USP25: variants seen among roughly 807,000 people sequenced by gnomAD.
The protein encoded by USP25 is ubiquitin specific peptidase 25, also known as ubiquitin carboxyl-terminal hydrolase 25.
A neutral mutation model predicts 158.5 loss-of-function variants in USP25; 85 were observed. The observed-to-expected ratio is 0.54, with a 90% CI of 0.45 to 0.64. The LOEUF is 0.64. Ranked by LOEUF, USP25 falls within the 30% of genes least tolerant of loss-of-function variation. The pLI, the probability that USP25 is intolerant of heterozygous loss-of-function variation, is 0.00. For synonymous variants in USP25, 464 were observed against 460.4 expected, an observed-to-expected ratio of 1.01 and a Z score of -0.10; for missense variants, 1,242 against 1,327.3, an observed-to-expected ratio of 0.94 and a Z score of 1.00.
intron 9 of USP25, among the ~76,000 whole-genome samples, chr21:15,812,262 T>TCA (rs1441137645): frequency 7.2e-5 from 11 of 152,158 alleles, no homozygotes; most frequent in African/African-American, 2.7e-4. Context: ...CGAGTAGGTC[T>TCA]CATCAGGTCA....
At chr21:15,789,560 T>C (rs957759410) in intron 4 of USP25, among the ~76,000 whole-genome samples, 1 of 152,088 alleles carries the variant, frequency 6.6e-6, no homozygotes, top group Admixed American at 6.6e-5. Flanking sequence ...AGTTTATATT[T>C]TAGAATATGC....
chr21:15,828,293 A>G (rs1420094792), intron 14 of USP25, among the ~76,000 whole-genome samples: 4 of 152,228 alleles, frequency 2.6e-5, no homozygotes, highest in African/African-American at 9.6e-5. Flanking sequence ...AATAGTGTTG[A>G]TGAAGCACTA....
rs548240596 is a variant in USP25 at position 15,845,913 on chromosome 21, A to G, written c.2338-1750A>G. On this transcript the variant is annotated intron_variant, in intron 18 of 25. Transcript: ENST00000400183. The stretch of plus-strand genomic sequence containing the variant: ...TATTAGGTTAAAATTATTCAAATAT[A>G]AACAATTTAAAGTAGCACAACAAAG... Among the ~76,000 whole-genome samples the G allele has an allele frequency of 3.4e-4, 51 of 151,846 alleles. No homozygotes were observed. The South Asian group carries it at 3.5e-3, about 11-fold the overall frequency.
chr21:15,865,960 A>G (rs936913810), intron 21 of USP25, among the ~76,000 whole-genome samples: 3 of 152,090 alleles, frequency 2.0e-5, no homozygotes, highest in Non-Finnish European at 2.9e-5. Flanking sequence ...TAATAGATGC[A>G]CATTATTTTT....
chr21:15,875,378 T>C lies in USP25; in HGVS notation c.3009+852T>C, dbSNP rs931120856. ...ACCCAGCCACATTTGGTTATTTGTT[T>C]TACATAGGAATTGAAATGAAACCTC... On this transcript the variant is annotated intron_variant, in intron 24 of 25. Coordinates refer to ENST00000400183, the MANE Select transcript of USP25 (RefSeq NM_001283041.3). The surrounding 1 kb of genome is among the most constrained non-coding windows in gnomAD (Gnocchi z 4.7). Among the ~76,000 whole-genome samples, 2 of 152,204 alleles carry C rather than the reference T, an allele frequency of 1.3e-5. No homozygotes were observed. The highest frequency in any genetic ancestry group is 4.8e-5 in the African/African-American group (2 of 41,456).
At chr21:15,831,741 A>G (rs188157504) in intron 16 of USP25, 112 bp downstream of exon 16, 464 of 894,530 alleles carry the variant, frequency 5.2e-4, no homozygotes, top group Non-Finnish European at 7.6e-4. Context: ...GTGGTTAGGA[A>G]ATGCTACTGG....
chr21:15,859,402 A>T (rs865895414), intron 20 of USP25, among the ~76,000 whole-genome samples: 2 of 152,044 alleles, frequency 1.3e-5, no homozygotes, highest in South Asian at 2.1e-4. Context: ...TCACCGTGTT[A>T]GCCAGGGTGG....
intron 20 of USP25, 108 bp downstream of exon 20, chr21:15,849,980 C>G: frequency 1.2e-6 from 1 of 861,344 alleles, no homozygotes. Flanking sequence ...TTTCTCTTTT[C>G]CTATCTTAGT....
At chr21:15,745,250 C>A (rs2032440884) in intron 1 of USP25, among the ~76,000 whole-genome samples, 1 of 151,922 alleles carries the variant, frequency 6.6e-6, no homozygotes, top group Admixed American at 6.6e-5. Context: ...AGATTATTTC[C>A]CAATTTCTTA....
intron 1 of USP25, among the ~76,000 whole-genome samples, chr21:15,741,192 C>G (rs1198825256): frequency 2.0e-5 from 3 of 151,778 alleles, no homozygotes; most frequent in Non-Finnish European, 2.9e-5. Context: ...GAGATTCACC[C>G]ATGTTTTATT....
rs145993051 is a variant in USP25, at chr21:15,879,432, T to C, written c.*957T>C. 246 of 152,624 alleles carry C rather than the reference T, an allele frequency of 1.6e-3. No homozygotes were observed. Among genetic ancestry groups the C allele is most frequent in the Non-Finnish European group, 7.5e-4 (51 of 67,930 alleles). The allele number at this position is 152,624 out of a possible 1,614,324, so 9.5% of individuals were successfully genotyped here. ...TTTGTAAATTGTATATCACTTTAAT[T>C]GAAAATGTTCTCTACTAATTAATAC... On this transcript the variant is annotated 3_prime_UTR_variant, in exon 26 of 26. Coordinates refer to ENST00000400183, the MANE Select transcript of USP25 (RefSeq NM_001283041.3).
chr21:15,821,438 A>C (rs766104441), intron 10 of USP25, among the ~76,000 whole-genome samples: 20 of 151,942 alleles, frequency 1.3e-4, no homozygotes, highest in Non-Finnish European at 2.2e-4. Context: ...TAGAAGTAGA[A>C]TCTTTGGGTC....
intron 18 of USP25, among the ~76,000 whole-genome samples, chr21:15,847,136 G>C (rs1384096955): frequency 6.6e-6 from 1 of 152,014 alleles, no homozygotes; most frequent in Non-Finnish European, 1.5e-5. Context: ...ACAATAGAAG[G>C]ATAAAATTAT....
At chr21:15,861,287 A>G (rs533876172) in intron 20 of USP25, among the ~76,000 whole-genome samples, 1 of 152,268 alleles carries the variant, frequency 6.6e-6, no homozygotes, top group South Asian at 2.1e-4. Context: ...TTGCAGGATG[A>G]TAGGAAATAA....
intron 17 of USP25, among the ~76,000 whole-genome samples, chr21:15,837,642 T>C (rs1006026622): frequency 3.9e-5 from 6 of 152,212 alleles, no homozygotes; most frequent in Admixed American, 6.5e-5. Flanking sequence ...ATTTTACTTA[T>C]ATTACTCTTG....
intron 8 of USP25, among the ~76,000 whole-genome samples, chr21:15,809,306 G>C (rs1298480559): frequency 1.3e-5 from 2 of 152,138 alleles, no homozygotes; most frequent in Admixed American, 6.6e-5. Context: ...CTGGGATCTT[G>C]CTGGCAGTGA....
At chr21:15,846,122 G>A (rs1186547741) in intron 18 of USP25, among the ~76,000 whole-genome samples, 28 of 55,708 alleles carry the variant, frequency 5.0e-4, no homozygotes, top group Non-Finnish European at 7.3e-4. Context: ...GTGTGTGTGT[G>A]TATATATATA....
chr21:15,741,288 CTTTTT>C (rs35427982), intron 1 of USP25, among the ~76,000 whole-genome samples: 4 of 139,772 alleles, frequency 2.9e-5, no homozygotes, highest in Non-Finnish European at 1.6e-5. Flanking sequence ...TTTTGATGTA[CTTTTT>C]TTTTTTTTTC....
intron 3 of USP25, among the ~76,000 whole-genome samples, chr21:15,769,359 C>G (rs1471175818): frequency 1.3e-5 from 2 of 152,058 alleles, no homozygotes; most frequent in African/African-American, 4.8e-5. Flanking sequence ...CACCTCATGT[C>G]TTTACTTGAT....
Sources: allele counts gnomAD v4.1 joint callset (sites outside exome capture counted in the v4.1 genomes callset), GRCh38; gene constraint gnomAD v4.1.1; non-coding constraint Gnocchi (gnomAD v3.1); transcripts MANE v1.5; gene names NCBI Gene and HGNC (gene_info 2026-07-23, HGNC 2026-07-21).